The following RPS6KC1 variants were observed in gnomAD, a reference collection of about 807,000 sequenced individuals.
The protein encoded by RPS6KC1 is inactive ribosomal protein S6 kinase delta-1.
RPS6KC1 carries 54 observed loss-of-function variants against 103.8 expected under a neutral mutation model. That is an observed-to-expected ratio of 0.52 (90% CI 0.42 to 0.65). The LOEUF (loss-of-function observed/expected upper bound fraction) is 0.65. Among genes scored for constraint, RPS6KC1 ranks in the 30% least tolerant of loss-of-function variants. The pLI is 0.00. For missense variants in RPS6KC1, 1,151 were observed against 1,253.8 expected (o/e 0.92, Z 1.24); for synonymous variants, 439 against 438.7 (o/e 1.00, Z -0.01).
At chr1:213,767,017 C>T in the RPS6KC1 span, among the ~76,000 whole-genome samples, 20 of 152,248 alleles carry the variant, frequency 1.3e-4, no homozygotes, top group Middle Eastern at 6.8e-3. Context: ...TTGATCCTTG[C>T]TTTGTAAATG....
At chr1:213,527,624 C>A in the RPS6KC1 span, among the ~76,000 whole-genome samples, 1 of 151,972 alleles carries the variant, frequency 6.6e-6, no homozygotes, top group African/African-American at 2.4e-5. Context: ...TCCCATTCTG[C>A]AAATCTTCAG....
chr1:213,574,943 C>T, the RPS6KC1 span, among the ~76,000 whole-genome samples: 2 of 152,066 alleles, frequency 1.3e-5, no homozygotes, highest in South Asian at 4.2e-4. Flanking sequence ...TGTGCACAGG[C>T]TGGATTGGAG....
rs1161584528 is a variant in RPS6KC1 at position 213,057,330 on chromosome 1, G to A, written c.105+5821G>A. On this transcript the variant is annotated intron_variant, in intron 1 of 14. Coordinates refer to ENST00000366960, the MANE Select transcript of RPS6KC1 (RefSeq NM_012424.6). ...TCAGGGTAGGCTGGAAGGAGGCAGC[G>A]CTTTGCTTTTCAAGTATTGATTTTT... Among the ~76,000 whole-genome samples the A allele has an allele frequency of 1.3e-5, 2 of 152,094 alleles. 1 individual carries two copies. The highest frequency in any genetic ancestry group is 2.9e-5 in the Non-Finnish European group (2 of 68,008).
At chr1:213,645,513 A>G in the RPS6KC1 span, among the ~76,000 whole-genome samples, 4 of 152,248 alleles carry the variant, frequency 2.6e-5, no homozygotes, top group Admixed American at 6.5e-5. Flanking sequence ...TTTAGCCACT[A>G]TTACCATCAT....
At chr1:213,736,153 A>G in the RPS6KC1 span, among the ~76,000 whole-genome samples, 1 of 152,232 alleles carries the variant, frequency 6.6e-6, no homozygotes, top group Non-Finnish European at 1.5e-5. Flanking sequence ...ATTCCTGGGT[A>G]ACAAATTACC....
intron 5 of RPS6KC1, among the ~76,000 whole-genome samples, chr1:213,125,613 CTTTT>C (rs1301156772): frequency 7.4e-6 from 1 of 134,496 alleles, no homozygotes; most frequent in African/African-American, 2.7e-5. Flanking sequence ...ATAAATTTCT[CTTTT>C]TTATCTGCTT....
the RPS6KC1 span, among the ~76,000 whole-genome samples, chr1:213,705,290 C>G: frequency 6.6e-6 from 1 of 152,152 alleles, no homozygotes; most frequent in South Asian, 2.1e-4. Context: ...AGAAGTCCAC[C>G]TGGTGTTCTG....
intron 4 of RPS6KC1, among the ~76,000 whole-genome samples, chr1:213,112,734 T>G (rs1369987834): frequency 6.6e-6 from 1 of 150,844 alleles, no homozygotes; most frequent in East Asian, 2.0e-4. Flanking sequence ...CCCACAACAG[T>G]CCCCAGAGTG....
At chr1:213,422,200 C>T in the RPS6KC1 span, among the ~76,000 whole-genome samples, 1 of 152,210 alleles carries the variant, frequency 6.6e-6, no homozygotes, top group Admixed American at 6.5e-5. Flanking sequence ...GCCCTCATCT[C>T]TATGAATTTA....
intron 6 of RPS6KC1, among the ~76,000 whole-genome samples, chr1:213,157,020 G>C (rs2089966241): frequency 6.6e-6 from 1 of 151,706 alleles, no homozygotes; most frequent in South Asian, 2.1e-4. Context: ...TTGATATCTT[G>C]TTTTCAATGT....
intron 8 of RPS6KC1, among the ~76,000 whole-genome samples, chr1:213,190,125 G>A (rs1329136034): frequency 1.3e-5 from 2 of 152,158 alleles, no homozygotes; most frequent in Non-Finnish European, 2.9e-5. Flanking sequence ...GGGAGTGCAA[G>A]TATTTCTTTG....
the RPS6KC1 span, among the ~76,000 whole-genome samples, chr1:213,328,504 C>CTATATATATATATATATATATA: frequency 2.0e-5 from 2 of 101,466 alleles, no homozygotes; most frequent in Non-Finnish European, 4.3e-5. Flanking sequence ...AGCCATTATA[C>CTATATATATATATATATATATA]TATATATATA....
At chr1:213,620,548 A>G in the RPS6KC1 span, among the ~76,000 whole-genome samples, 1 of 152,242 alleles carries the variant, frequency 6.6e-6, no homozygotes, top group Non-Finnish European at 1.5e-5. Flanking sequence ...TCTACTAGCC[A>G]AAGTTGTAAC....
At chr1:213,771,189 G>T in the RPS6KC1 span, among the ~76,000 whole-genome samples, 2 of 152,124 alleles carry the variant, frequency 1.3e-5, no homozygotes, top group Non-Finnish European at 2.9e-5. Context: ...AGGTTCCTGG[G>T]ATTCCTGTGA....
chr1:213,385,725 T>G, the RPS6KC1 span, among the ~76,000 whole-genome samples: 1 of 152,130 alleles, frequency 6.6e-6, no homozygotes, highest in Non-Finnish European at 1.5e-5. Flanking sequence ...CCAGGACAGG[T>G]GCACTGAGTT....
chr1:213,373,625 A>G, the RPS6KC1 span, among the ~76,000 whole-genome samples: 14 of 152,386 alleles, frequency 9.2e-5, no homozygotes, highest in East Asian at 2.5e-3. Flanking sequence ...GGGAGGGGGC[A>G]TATTATCATC....
chr1:213,788,713 C>T, the RPS6KC1 span, among the ~76,000 whole-genome samples: 9 of 152,266 alleles, frequency 5.9e-5, no homozygotes, highest in East Asian at 1.7e-3. Context: ...CAAAATCTCT[C>T]TTAACATTCC....
the RPS6KC1 span, among the ~76,000 whole-genome samples, chr1:213,421,998 A>T: frequency 6.6e-6 from 1 of 152,208 alleles, no homozygotes; most frequent in Non-Finnish European, 1.5e-5. Flanking sequence ...AAACTTACTC[A>T]CTTTTTTTTG....
At chr1:213,369,007 C>T in the RPS6KC1 span, among the ~76,000 whole-genome samples, 1 of 144,660 alleles carries the variant, frequency 6.9e-6, no homozygotes, top group East Asian at 2.9e-4. Flanking sequence ...TGCGTACTGT[C>T]TGTCTCTGAA....
Sources: allele counts gnomAD v4.1 joint callset (sites outside exome capture counted in the v4.1 genomes callset), GRCh38; gene constraint gnomAD v4.1.1; transcripts MANE v1.5; gene names NCBI Gene and HGNC (gene_info 2026-07-23, HGNC 2026-07-21).